Variants in SREK1 observed in about 807,000 individuals in gnomAD.
SREK1 encodes the protein splicing regulatory glutamine/lysine-rich protein 1.
Under a neutral mutation model 66.5 loss-of-function variants are expected in SREK1, and 13 were observed. The observed-to-expected ratio is 0.20, with a 90% CI of 0.13 to 0.31. SREK1 has a LOEUF of 0.31. Among genes scored for constraint, SREK1 ranks in the 10% least tolerant of loss-of-function variants. The pLI, the probability that SREK1 is intolerant of heterozygous loss-of-function variation, is 1.00. For missense variants in SREK1, 607 were observed against 769.6 expected (o/e 0.79, Z 2.50); for synonymous variants, 265 against 263.5 (o/e 1.01, Z -0.05).
intron 3 of SREK1, 49 bp from the exon 4 acceptor site, chr5:66,162,060 T>C (rs752056060): frequency 1.9e-6 from 3 of 1,572,932 alleles, no homozygotes; most frequent in Non-Finnish European, 2.6e-6. Context: ...TATCTTTGGA[T>C]ACTAATAGAA....
At chr5:66,177,399 G>A in intron 10 of SREK1, 115 bp from the exon 11 acceptor site, 1 of 900,594 alleles carries the variant, frequency 1.1e-6, no homozygotes, top group Non-Finnish European at 1.6e-6. Context: ...TACTGTTGAT[G>A]CTTATTAACA....
At chr5:66,164,138 C>T (rs1744980432) in intron 6 of SREK1, 2 of 474,846 alleles carry the variant, frequency 4.2e-6, no homozygotes, top group Admixed American at 7.9e-5. Flanking sequence ...TTAGTCTGAG[C>T]TAATCAGCTC....
At chr5:66,155,860 C>T (rs1392561560) in intron 2 of SREK1, among the ~76,000 whole-genome samples, 1 of 152,176 alleles carries the variant, frequency 6.6e-6, no homozygotes, top group Non-Finnish European at 1.5e-5. Flanking sequence ...TTATACTTGT[C>T]CAAATATGAC....
At chr5:66,144,722 G>T (rs1033244586) in intron 1 of SREK1, 185 bp downstream of exon 1, 2 of 1,298,576 alleles carry the variant, frequency 1.5e-6, no homozygotes, top group South Asian at 1.6e-5. Context: ...AGTCGGATTT[G>T]GGGGGTTAAC....
chr5:66,162,127 A>G lies in SREK1; in HGVS notation c.430A>G (p.Ser144Gly), dbSNP rs769471962. The change falls in exon 4 of 12, where the codon AGT (serine) becomes GGT (glycine). Residue 144 changes from serine to glycine, a missense_variant. By Grantham distance (56) the Ser-to-Gly change is moderately conservative (BLOSUM62 0). Around this residue, in one of 5 missense-constraint regions of SREK1, gnomAD observed 99 missense variants for 186.6 expected, o/e 0.53. Coordinates refer to ENST00000334121, the MANE Select transcript of SREK1 (RefSeq NM_001077199.3). ...PLTTLGVSLS[S>G]LGAIPAAALD... is the part of the protein sequence containing the mutation. ...TCGATAGCTTGGTGTTTCACTTAGC[A>G]GTTTGGGAGCTATACCAGCAGCAGC... 6.2e-7 allele frequency: 1 copy of G among 1,612,076 alleles called. No homozygotes were observed. The highest frequency in any genetic ancestry group is 1.1e-5 in the South Asian group (1 of 90,436).
chr5:66,162,760 T>A, intron 5 of SREK1, 168 bp downstream of exon 5: 1 of 568,138 alleles, frequency 1.8e-6, no homozygotes, highest in Non-Finnish European at 2.9e-6. Flanking sequence ...TTTTAGTCTT[T>A]AAATTCCTTT....
chr5:66,162,739 G>T (rs920751806), intron 5 of SREK1, 147 bp downstream of exon 5: 2 of 643,072 alleles, frequency 3.1e-6, no homozygotes, highest in Non-Finnish European at 2.5e-6. Flanking sequence ...AAATACATGA[G>T]ATACTTACCA....
intron 11 of SREK1, 98 bp downstream of exon 11, chr5:66,177,756 C>A: frequency 1.1e-6 from 1 of 950,002 alleles, no homozygotes; most frequent in Non-Finnish European, 1.5e-6. Context: ...GTGTCTTGTA[C>A]ATTGTTGGCA....
In SREK1 at chr5:66,181,625, TATC is replaced by T. The variant is rs1746494267; in HGVS notation, c.*2760_*2762del. 1 of 152,230 alleles carries T rather than the reference TATC, an allele frequency of 6.6e-6. No homozygotes were observed. Among genetic ancestry groups the T allele is most frequent in the Non-Finnish European group, 1.5e-5 (1 of 68,042 alleles). The allele number at this position is 152,230 out of a possible 1,614,324, so 9.4% of individuals were successfully genotyped here. A position where few individuals can be genotyped will look rare whatever the true frequency, so the allele number is the denominator to read the frequency against. ...CTTTCAGCAACGTATGCTGAACTAG[TATC>T]ATAAGATGGTGCATCAGTTCATAAG... On this transcript the variant is annotated 3_prime_UTR_variant, in exon 12 of 12. Transcript: ENST00000334121.
At chr5:66,171,425 A>G (rs1031802127) in intron 9 of SREK1, among the ~76,000 whole-genome samples, 1 of 151,956 alleles carries the variant, frequency 6.6e-6, no homozygotes, top group Admixed American at 6.5e-5. Context: ...TTATTTTGTC[A>G]GTTTTAAGGG....
chr5:66,144,329 C>G lies in SREK1; in HGVS notation c.-48C>G, dbSNP rs1164923502. 2.1e-6 allele frequency: 3 copies of G among 1,410,734 alleles called. No homozygotes were observed. The highest frequency in any genetic ancestry group is 1.5e-5 in the African/African-American group (1 of 68,038). The allele number at this position is 1,410,734 out of a possible 1,614,324, so 87.4% of individuals were successfully genotyped here. ...TCCGCTTTCCCGGCTCCGTCGCTGA[C>G]GCGTCGTAGACGTTGGGGAGCGGGA... On this transcript the variant is annotated 5_prime_UTR_variant, in exon 1 of 12. Transcript: ENST00000334121.
chr5:66,161,545 A>G (rs1744773711), intron 3 of SREK1, among the ~76,000 whole-genome samples: 1 of 152,178 alleles, frequency 6.6e-6, no homozygotes, highest in Non-Finnish European at 1.5e-5. Context: ...TAGTGTTCCT[A>G]AGTACAGGGA....
In SREK1 at chr5:66,179,658, A is replaced by G. The variant is rs184113110; in HGVS notation, c.*790A>G. On this transcript the variant is annotated 3_prime_UTR_variant, in exon 12 of 12. Coordinates refer to ENST00000334121, the MANE Select transcript of SREK1 (RefSeq NM_001077199.3). ...CATTTCCAAGCTTATTATGAATAAT[A>G]TTGCAGTGTGTCTTGTCAGCTGTAG... The G allele has an allele frequency of 2.0e-5, 3 of 152,618 alleles. No individual in the cohort carries two copies. Among genetic ancestry groups the G allele is most frequent in the African/African-American group, 7.2e-5 (3 of 41,566 alleles). The allele number at this position is 152,618 out of a possible 1,614,324, so 9.5% of individuals were successfully genotyped here. A position where few individuals can be genotyped will look rare whatever the true frequency, so the allele number is the denominator to read the frequency against.
intron 1 of SREK1, among the ~76,000 whole-genome samples, chr5:66,151,756 G>T (rs1024967695): frequency 5.3e-5 from 8 of 150,904 alleles, no homozygotes; most frequent in Non-Finnish European, 1.0e-4. Flanking sequence ...GGTAAGGAGG[G>T]ATTTTTGTTG....
At chr5:66,169,075 T>G (rs908480008) in intron 7 of SREK1, 10 of 152,232 alleles carry the variant, frequency 6.6e-5, no homozygotes, top group African/African-American at 2.4e-4. Context: ...ACTCCAAAGC[T>G]GTTGAGTCTA....
Position 66,144,629 on chromosome 5 carries a change from G to T in SREK1, c.161+92G>T, listed in dbSNP as rs990687841. 6 of 1,452,070 alleles carry T rather than the reference G, an allele frequency of 4.1e-6. No individual in the cohort carries two copies. In the African/African-American group the frequency reaches 8.6e-5, roughly 21 times the overall value. The allele number at this position is 1,452,070 out of a possible 1,614,324, so 89.9% of individuals were successfully genotyped here. A position where few individuals can be genotyped will look rare whatever the true frequency, so the allele number is the denominator to read the frequency against. On this transcript the variant is annotated intron_variant, in intron 1 of 11. Coordinates refer to ENST00000334121, the MANE Select transcript of SREK1 (RefSeq NM_001077199.3). The stretch of plus-strand genomic sequence containing the variant: ...GAGGAGAGCGCGGACGCGGGCGCGC[G>T]GTGCATGTCACGTGATCGCGCCGGC...
rs908467368 is a variant in SREK1, at chr5:66,181,661, A to C, written c.*2793A>C. ...GGTGCATCAGTTCATAAGCTAGTGC[A>C]TAAGTTTTGTGTCAAAACTTTTAAA... is the stretch of plus-strand genomic sequence containing the variant. On this transcript the variant is annotated 3_prime_UTR_variant, in exon 12 of 12. Transcript: ENST00000334121. The C allele has an allele frequency of 6.6e-6, 1 of 152,222 alleles. No individual in the cohort carries two copies. The highest frequency in any genetic ancestry group is 6.5e-5 in the Admixed American group (1 of 15,278). 9.4% of individuals were successfully genotyped at this position (152,222 alleles called of 1,614,324 possible).
intron 2 of SREK1, among the ~76,000 whole-genome samples, chr5:66,155,766 C>T (rs933398107): frequency 1.5e-4 from 23 of 152,198 alleles, no homozygotes; most frequent in African/African-American, 5.3e-4. Context: ...GTAAAAGTAA[C>T]ATTTGATGTG....
chr5:66,147,786 A>G (rs979720740), intron 1 of SREK1, among the ~76,000 whole-genome samples: 1 of 152,230 alleles, frequency 6.6e-6, no homozygotes, highest in Non-Finnish European at 1.5e-5. Flanking sequence ...TCCTTTTCAC[A>G]TGCGTTAATA....
Sources: allele counts gnomAD v4.1 joint callset (sites outside exome capture counted in the v4.1 genomes callset), GRCh38; gene constraint gnomAD v4.1.1; regional missense constraint gnomAD v4.1.1; transcripts MANE v1.5; gene names NCBI Gene and HGNC (gene_info 2026-07-23, HGNC 2026-07-21).